RBFOX1: variants seen among roughly 807,000 people sequenced by gnomAD.
The protein encoded by RBFOX1 is RNA binding protein fox-1 homolog 1.
Under a neutral mutation model 57.7 loss-of-function variants are expected in RBFOX1, and 8 were observed. That is an observed-to-expected ratio of 0.14 (90% confidence interval 0.08 to 0.25). The LOEUF is 0.25. Ranked by LOEUF, RBFOX1 falls within the 10% of genes least tolerant of loss-of-function variation. RBFOX1 has a pLI of 1.00. For synonymous variants in RBFOX1, 326 were observed against 222.4 expected (o/e 1.47, Z -4.15); for missense variants, 611 against 548.5 (o/e 1.11, Z -1.14).
At chr16:5,963,666 T>C (rs78812468) in intron 4 of RBFOX1, among the ~76,000 whole-genome samples, 1 of 152,180 alleles carries the variant, frequency 6.6e-6, no homozygotes, top group Admixed American at 6.5e-5. Context: ...GAAAGGATGG[T>C]CTCTTCGAGA....
chr16:6,487,633 A>G (rs1177107464), intron 2 of RBFOX1, among the ~76,000 whole-genome samples: 2 of 145,090 alleles, frequency 1.4e-5, no homozygotes, highest in African/African-American at 5.2e-5. Context: ...ATTATAGTAG[A>G]ACTAGTGTTT....
intron 3 of RBFOX1, among the ~76,000 whole-genome samples, chr16:6,870,018 A>T (rs1180501846): frequency 1.3e-5 from 2 of 152,192 alleles, no homozygotes; most frequent in Admixed American, 1.3e-4. Flanking sequence ...TGTGAGATCT[A>T]TGCATATCTA....
intron 4 of RBFOX1, among the ~76,000 whole-genome samples, chr16:7,320,084 A>T (rs955451671): frequency 6.6e-6 from 1 of 152,152 alleles, no homozygotes; most frequent in African/African-American, 2.4e-5. Flanking sequence ...AATTAATTTT[A>T]TTGTAAGTTG....
intron 2 of RBFOX1, among the ~76,000 whole-genome samples, chr16:6,442,307 C>T (rs931691391): frequency 6.6e-6 from 1 of 152,112 alleles, no homozygotes; most frequent in African/African-American, 2.4e-5. Flanking sequence ...CCTGTAATCC[C>T]AGCACTTTGG....
chr16:6,817,791 T>A (rs1273723725), intron 3 of RBFOX1, among the ~76,000 whole-genome samples: 10 of 152,158 alleles, frequency 6.6e-5, no homozygotes, highest in Non-Finnish European at 1.5e-4. Flanking sequence ...TCTAAGTTTC[T>A]GACAAAAACC....
intron 4 of RBFOX1, among the ~76,000 whole-genome samples, chr16:5,906,960 C>A (rs2058474011): frequency 1.3e-5 from 2 of 151,978 alleles, no homozygotes; most frequent in Non-Finnish European, 2.9e-5. Flanking sequence ...TGGTCTTGAA[C>A]TCCTGACCTC....
chr16:7,112,664 C>CTGTGTGTGTGTGTGTGTGTGTG (rs200903973), intron 4 of RBFOX1, among the ~76,000 whole-genome samples: 1 of 5,616 alleles, frequency 1.8e-4, no homozygotes, highest in Non-Finnish European at 2.6e-4. Flanking sequence ...TATGTAAACT[C>CTGTGTGTGTGTGTGTGTGTGTG]TGTGTGTGTG....
chr16:6,682,253 C>T (rs1286904229), intron 3 of RBFOX1, among the ~76,000 whole-genome samples: 2 of 152,156 alleles, frequency 1.3e-5, no homozygotes, highest in Non-Finnish European at 2.9e-5. Flanking sequence ...CTCCCACTCT[C>T]AGATAGGAAG....
chr16:6,371,702 C>G (rs901267132), intron 2 of RBFOX1, among the ~76,000 whole-genome samples: 65 of 152,210 alleles, frequency 4.3e-4, no homozygotes, highest in Non-Finnish European at 2.4e-4. Context: ...ATTATGGCTT[C>G]TGGACCCTCT....
At chr16:7,475,690 G>C (rs1214157652) in intron 4 of RBFOX1, among the ~76,000 whole-genome samples, 1 of 152,138 alleles carries the variant, frequency 6.6e-6, no homozygotes, top group Non-Finnish European at 1.5e-5. Context: ...CTCTGGGTTT[G>C]CTGCTTGCCA....
At chr16:5,307,934 T>C (rs2063981078) in intron 1 of RBFOX1, among the ~76,000 whole-genome samples, 1 of 152,184 alleles carries the variant, frequency 6.6e-6, no homozygotes, top group African/African-American at 2.4e-5. Flanking sequence ...TGTCTTGGCC[T>C]CCCAGAGTGC....
At chr16:6,950,224 C>T (rs989462458) in intron 3 of RBFOX1, among the ~76,000 whole-genome samples, 5 of 151,670 alleles carry the variant, frequency 3.3e-5, no homozygotes, top group Non-Finnish European at 5.9e-5. Flanking sequence ...TCCCAAAGCG[C>T]CGGGATTACA....
chr16:5,861,250 C>G (rs2057205823), intron 3 of RBFOX1, among the ~76,000 whole-genome samples: 1 of 152,190 alleles, frequency 6.6e-6, no homozygotes, highest in Non-Finnish European at 1.5e-5. Flanking sequence ...CATCTTCTCC[C>G]CTTTGATACA....
At chr16:7,710,495 G>C in intron 15 of RBFOX1, 128 bp from the exon 16 acceptor site, 1 of 1,551,350 alleles carries the variant, frequency 6.4e-7, no homozygotes, top group Non-Finnish European at 8.6e-7. Context: ...GAATGACCTG[G>C]GATGGGTAGG....
At chr16:6,768,440 G>A (rs2077726223) in intron 3 of RBFOX1, among the ~76,000 whole-genome samples, 1 of 151,840 alleles carries the variant, frequency 6.6e-6, no homozygotes, top group African/African-American at 2.4e-5. Context: ...AGTGCAGAGA[G>A]AGAGGGAAAA....
At chr16:6,021,268 G>C (rs1444388542) in intron 1 of RBFOX1, among the ~76,000 whole-genome samples, 2 of 152,000 alleles carry the variant, frequency 1.3e-5, no homozygotes, top group Non-Finnish European at 2.9e-5. Flanking sequence ...CCAAGTTTAG[G>C]ACATGCCCCA....
At chr16:5,483,670 C>G (rs111290558) in intron 2 of RBFOX1, among the ~76,000 whole-genome samples, 2 of 152,198 alleles carry the variant, frequency 1.3e-5, no homozygotes, top group Non-Finnish European at 2.9e-5. Context: ...AATTCGCCTT[C>G]TGATCTGCTG....
chr16:6,681,498 G>A (rs908786325), intron 3 of RBFOX1, among the ~76,000 whole-genome samples: 23 of 133,916 alleles, frequency 1.7e-4, no homozygotes, highest in African/African-American at 5.8e-4. Flanking sequence ...TGATCAATTA[G>A]TGATGTTGTC....
intron 1 of RBFOX1, among the ~76,000 whole-genome samples, chr16:6,148,635 G>T (rs1186489023): frequency 1.3e-5 from 2 of 152,188 alleles, no homozygotes; most frequent in Admixed American, 6.5e-5. Flanking sequence ...GAGTGACTGT[G>T]TTCTCTAAAA....
Sources: gnomAD v4.1 joint callset for allele counts (sites outside exome capture counted in the v4.1 genomes callset) on GRCh38, gnomAD v4.1.1 for gene constraint, MANE v1.5 for transcripts, NCBI Gene and HGNC (gene_info 2026-07-23, HGNC 2026-07-21) for gene names.